The following CNTNAP2 variants were observed in gnomAD, a reference collection of about 807,000 sequenced individuals.
CNTNAP2 encodes contactin associated protein 2.
In CNTNAP2, 98 loss-of-function variants were observed where a neutral mutation model predicts 155.2. The ratio of observed to expected loss-of-function variants is 0.63; its 90% CI spans 0.54 to 0.75. The LOEUF is 0.75. CNTNAP2 is among the 30% of genes least tolerant of loss of function. The probability of loss-of-function intolerance (pLI) is 0.00; values close to 1 mark genes in which losing one functional copy is unlikely to be tolerated. For synonymous variants in CNTNAP2, 651 were observed against 631.2 expected, an observed-to-expected ratio of 1.03 and a Z score of -0.47; for missense variants, 1,727 against 1,688.1, an observed-to-expected ratio of 1.02 and a Z score of -0.40.
chr7:146,821,439 G>T (rs958290459), intron 2 of CNTNAP2, among the ~76,000 whole-genome samples: 24 of 152,052 alleles, frequency 1.6e-4, no homozygotes, highest in Non-Finnish European at 2.1e-4. Context: ...AGTTTGGCTG[G>T]ATATGAAATT....
At chr7:146,668,012 G>A (rs59534404) in intron 1 of CNTNAP2, among the ~76,000 whole-genome samples, 2,770 of 152,096 alleles carry the variant, frequency 0.018, 88 homozygotes, top group African/African-American at 0.063. Flanking sequence ...TCTATATTGA[G>A]TGCAAGTGGT....
intron 4 of CNTNAP2, among the ~76,000 whole-genome samples, chr7:147,090,322 C>CGTGTGT (rs146882206): frequency 0.021 from 2,970 of 141,858 alleles, 86 homozygotes; most frequent in African/African-American, 0.061. Context: ...AACATATAAG[C>CGTGTGT]GTGTGTGTGT....
At chr7:146,418,293 G>C (rs945290468) in intron 1 of CNTNAP2, among the ~76,000 whole-genome samples, 3 of 152,158 alleles carry the variant, frequency 2.0e-5, no homozygotes, top group Non-Finnish European at 4.4e-5. Context: ...CAAATTAAGT[G>C]TCAGGGCACA....
At chr7:146,855,711 G>T (rs1378487431) in intron 3 of CNTNAP2, among the ~76,000 whole-genome samples, 2 of 150,752 alleles carry the variant, frequency 1.3e-5, no homozygotes, top group Non-Finnish European at 3.0e-5. Context: ...TTGTGTTGGG[G>T]GCCAAGGTTC....
intron 13 of CNTNAP2, among the ~76,000 whole-genome samples, chr7:147,829,754 A>G (rs1476518284): frequency 6.6e-6 from 1 of 152,148 alleles, no homozygotes; most frequent in African/African-American, 2.4e-5. Flanking sequence ...ACTTTCAGAT[A>G]TCCTAAGGTC....
chr7:148,177,089 C>T (rs1437487920), intron 18 of CNTNAP2, among the ~76,000 whole-genome samples: 2 of 152,212 alleles, frequency 1.3e-5, no homozygotes, highest in Non-Finnish European at 2.9e-5. Flanking sequence ...GAGAAAATAA[C>T]ATACCTATAG....
At chr7:147,297,239 A>T (rs1794846529) in intron 8 of CNTNAP2, among the ~76,000 whole-genome samples, 1 of 152,166 alleles carries the variant, frequency 6.6e-6, no homozygotes, top group Admixed American at 6.5e-5. Context: ...CTAGAGTGCC[A>T]GATTCCTGGT....
chr7:146,697,343 TTC>T (rs1800799351), intron 1 of CNTNAP2, among the ~76,000 whole-genome samples: 1 of 152,072 alleles, frequency 6.6e-6, no homozygotes, highest in Non-Finnish European at 1.5e-5. Flanking sequence ...GCTCAAACAA[TTC>T]TCCCTGCTCA....
At chr7:146,628,310 T>C (rs1054011749) in intron 1 of CNTNAP2, among the ~76,000 whole-genome samples, 12 of 152,216 alleles carry the variant, frequency 7.9e-5, no homozygotes, top group South Asian at 4.1e-4. Flanking sequence ...GTTTATCATA[T>C]GCGGAATCTA....
chr7:146,648,893 C>G (rs1799859482), intron 1 of CNTNAP2, among the ~76,000 whole-genome samples: 1 of 152,056 alleles, frequency 6.6e-6, no homozygotes, highest in Non-Finnish European at 1.5e-5. Flanking sequence ...GATTACCATA[C>G]TTCATAGGAT....
At chr7:147,339,006 T>C (rs1795711125) in intron 9 of CNTNAP2, among the ~76,000 whole-genome samples, 1 of 152,172 alleles carries the variant, frequency 6.6e-6, no homozygotes, top group South Asian at 2.1e-4. Flanking sequence ...TAAATATATT[T>C]ATTCAAATGT....
intron 1 of CNTNAP2, among the ~76,000 whole-genome samples, chr7:146,458,667 G>T (rs898826167): frequency 2.6e-5 from 4 of 152,130 alleles, no homozygotes; most frequent in African/African-American, 9.7e-5. Context: ...ATTTGGTTAG[G>T]TATTATTCTG....
At chr7:147,537,869 T>C (rs1444746253) in intron 11 of CNTNAP2, among the ~76,000 whole-genome samples, 1 of 152,216 alleles carries the variant, frequency 6.6e-6, no homozygotes, top group African/African-American at 2.4e-5. Flanking sequence ...TTTTTAAGTT[T>C]TGTGCATTTT....
Position 148,088,185 on chromosome 7 carries a change from A to G in CNTNAP2, c.2384-29933A>G, listed in dbSNP as rs118025825. On this transcript the variant is annotated intron_variant, in intron 15 of 23. Transcript: ENST00000361727. ...TTTGCATTTTGCTTTCCCACCTCCA[A>G]TGAATTAGTATAAACTATGACCTTC... Among the ~76,000 whole-genome samples, 13 of 152,144 alleles carry G rather than the reference A, an allele frequency of 8.5e-5. No homozygotes were observed. In the East Asian group the frequency reaches 2.1e-3, roughly 25 times the overall value.
Position 147,108,202 on chromosome 7 carries a change from C to G in CNTNAP2, c.606C>G (p.Asn202Lys). 1.2e-6 allele frequency: 2 copies of G among 1,613,272 alleles called. No individual in the cohort carries two copies. Among genetic ancestry groups the G allele is most frequent in the Non-Finnish European group, 1.7e-6 (2 of 1,179,714 alleles). Reference protein sequence around the residue: ...GHVVLPYRFRNKKMKTLKDVI... With the variant: ...GHVVLPYRFRKKKMKTLKDVI... ...TTGTATTACCATATAGATTCAGAAA[C>G]AAGAAGATGAAAACACTGAAAGATG... The change falls in exon 5 of 24, where the codon AAC becomes AAG. Residue 202 changes from asparagine (N) to lysine (K), a missense_variant. Coordinates refer to ENST00000361727, the MANE Select transcript of CNTNAP2 (RefSeq NM_014141.6).
intron 3 of CNTNAP2, among the ~76,000 whole-genome samples, chr7:146,931,118 A>T (rs1264038531): frequency 2.0e-5 from 3 of 151,238 alleles, no homozygotes. Context: ...TCCACCCCAA[A>T]TCAACAGAAT....
intron 9 of CNTNAP2, among the ~76,000 whole-genome samples, chr7:147,372,275 A>T (rs568519696): frequency 6.6e-6 from 1 of 152,262 alleles, no homozygotes; most frequent in South Asian, 2.1e-4. Context: ...TGAGCCTATT[A>T]GAGTAAAAAC....
At chr7:148,061,083 A>G (rs1302076508) in intron 15 of CNTNAP2, among the ~76,000 whole-genome samples, 1 of 152,228 alleles carries the variant, frequency 6.6e-6, no homozygotes, top group African/African-American at 2.4e-5. Context: ...CCCAGAAGAA[A>G]TGTCTGAGGT....
At chr7:147,513,095 AT>A in intron 11 of CNTNAP2, among the ~76,000 whole-genome samples, 1 of 152,110 alleles carries the variant, frequency 6.6e-6, no homozygotes, top group Non-Finnish European at 1.5e-5. Flanking sequence ...TCATTTGAAT[AT>A]TTTTTCATAT....
Sources: gnomAD v4.1 joint callset for allele counts (sites outside exome capture counted in the v4.1 genomes callset) on GRCh38, gnomAD v4.1.1 for gene constraint, MANE v1.5 for transcripts, NCBI Gene and HGNC (gene_info 2026-07-23, HGNC 2026-07-21) for gene names.